The following KHNYN variants were observed in gnomAD, a reference collection of about 807,000 sequenced individuals.
The protein encoded by KHNYN is protein KHNYN.
A neutral mutation model predicts 62.7 loss-of-function variants in KHNYN; 42 were observed. That is an observed-to-expected ratio of 0.67 (90% CI 0.52 to 0.87). KHNYN has a LOEUF of 0.87. Among genes scored for constraint, KHNYN ranks in the 40% least tolerant of loss-of-function variants. The probability of loss-of-function intolerance (pLI) is 0.00; values close to 1 mark genes in which losing one functional copy is unlikely to be tolerated. For synonymous variants in KHNYN, 347 were observed against 345.6 expected, an observed-to-expected ratio of 1.00 and a Z score of -0.04; for missense variants, 829 against 874.1, an observed-to-expected ratio of 0.95 and a Z score of 0.65.
upstream of KHNYN, chr14:24,429,049 C>A (rs1341991171): frequency 6.7e-7 from 1 of 1,502,286 alleles, no homozygotes; most frequent in Non-Finnish European, 8.9e-7. Flanking sequence ...GCTTGGCTCC[C>A]AACATGGCTG....
At position 24,431,812 on chromosome 14, in the gene KHNYN, T is replaced by C. The variant is rs772343317; in HGVS notation, c.551T>C (p.Leu184Pro). 13 of 1,614,046 alleles carry C rather than the reference T, an allele frequency of 8.1e-6. No homozygotes were observed. The East Asian group carries it at 2.7e-4, about 33-fold the overall frequency. ...AGAGAGGCTCTGTTGCAGTTGCCCC[T>C]GGCTGTCCAGGAGGAGCTGCTGAGT... ...AHREALLQLPLAVQEELLSLV... is the reference protein window; with the variant it reads ...AHREALLQLPPAVQEELLSLV... Residue 184 changes from leucine to proline, a missense_variant, in exon 3 of 8, where the codon CTG (leucine) becomes CCG (proline). By Grantham distance (98) the Leu-to-Pro change is moderately conservative (BLOSUM62 -3). Transcript: ENST00000553935.
rs531890107 is a variant in KHNYN, at chr14:24,438,292, G to A, written c.*1007G>A. ...TTCCTGGTGTTGAGATGAACACGTC[G>A]ATTTTTCACCAATCGATGAAGCCAT... On this transcript the variant is annotated 3_prime_UTR_variant, in exon 8 of 8. Transcript: ENST00000553935. 1.4e-5 allele frequency: 2 copies of A among 146,576 alleles called. No homozygotes were observed. The highest frequency in any genetic ancestry group is 2.1e-4 in the South Asian group (1 of 4,778). 9.1% of individuals were successfully genotyped at this position (146,576 alleles called of 1,614,324 possible). A position where few individuals can be genotyped will look rare whatever the true frequency, so the allele number is the denominator to read the frequency against.
chr14:24,432,679 A>G lies in KHNYN; in HGVS notation c.1350-43A>G. ...GTCCTGAGGGGCTGGCATTGTAGCCAGGGTGCCAAGCCCCTCCTCTGGCCG... is the reference window on the plus strand; with the variant it reads ...GTCCTGAGGGGCTGGCATTGTAGCCGGGGTGCCAAGCCCCTCCTCTGGCCG... On this transcript the variant is annotated intron_variant, in intron 3 of 7. Transcript: ENST00000553935. The surrounding 1 kb of genome is among the most constrained non-coding windows in gnomAD (Gnocchi z 5.6). The G allele has an allele frequency of 2.5e-6, 4 of 1,613,838 alleles. No homozygotes were observed. Among genetic ancestry groups the G allele is most frequent in the Non-Finnish European group, 3.4e-6 (4 of 1,179,832 alleles).
chr14:24,429,859 G>A, upstream of KHNYN: 1 of 1,014,418 alleles, frequency 9.9e-7, no homozygotes, highest in African/African-American at 1.7e-5. Flanking sequence ...GGGCCCGTCG[G>A]GGCCTCTGGG....
In KHNYN at chr14:24,440,489, A is replaced by G; in HGVS notation, c.*3204A>G. On this transcript the variant is annotated 3_prime_UTR_variant, in exon 8 of 8. Coordinates refer to ENST00000553935, the MANE Select transcript of KHNYN (RefSeq NM_015299.3). Reference sequence around the variant, plus strand: ...GGCACCACCCCCACGGCCCAGCACAACCCCTAGAGCAGGAAAGAGGGAAGG... The same window carrying G: ...GGCACCACCCCCACGGCCCAGCACAGCCCCTAGAGCAGGAAAGAGGGAAGG... The G allele has an allele frequency of 1.2e-6, 2 of 1,602,630 alleles. No individual in the cohort carries two copies. Among genetic ancestry groups the G allele is most frequent in the Non-Finnish European group, 1.7e-6 (2 of 1,174,636 alleles).
chr14:24,440,877 T>G lies in KHNYN; in HGVS notation c.*3592T>G. The G allele has an allele frequency of 6.2e-7, 1 of 1,614,016 alleles. No individual in the cohort carries two copies. Among genetic ancestry groups the G allele is most frequent in the Non-Finnish European group, 8.5e-7 (1 of 1,179,884 alleles). On this transcript the variant is annotated 3_prime_UTR_variant, in exon 8 of 8. Transcript: ENST00000553935. ...GGTTGGAGAAAAAGTCAAAGTCCCC[T>G]CCTGGGCTGTCTTCATCATACTCCG...
upstream of KHNYN, among the ~76,000 whole-genome samples, chr14:24,424,399 C>T (rs575528299): frequency 4.1e-4 from 62 of 152,324 alleles, no homozygotes; most frequent in Admixed American, 1.4e-3. Context: ...GGTATTGTAG[C>T]TGCATGCCTT....
intron 2 of KHNYN, 68 bp from the exon 3 acceptor site, chr14:24,431,395 A>C: frequency 1.5e-6 from 2 of 1,311,906 alleles, no homozygotes; most frequent in Non-Finnish European, 2.1e-6. Context: ...AGGAGCGAGC[A>C]AGGAGCCAGG....
upstream of KHNYN, among the ~76,000 whole-genome samples, chr14:24,425,707 A>G (rs1017458272): frequency 6.6e-6 from 1 of 152,226 alleles, no homozygotes; most frequent in Non-Finnish European, 1.5e-5. Context: ...TTAATATCTC[A>G]TTATAATTAG....
At position 24,432,824 on chromosome 14, in the gene KHNYN, G is replaced by T; in HGVS notation, c.1452G>T (p.Trp484Cys). 1.2e-6 allele frequency: 2 copies of T among 1,614,232 alleles called. No homozygotes were observed. Among genetic ancestry groups the T allele is most frequent in the Admixed American group, 1.7e-5 (1 of 60,028 alleles). ...HRDITVFVPQ[W>C]RFSKDAKVRE... ...ACATAACTGTCTTTGTGCCTCAGTGGCGCTTCAGTAAGGATGCCAAAGTCA... is the reference window on the plus strand; with the variant it reads ...ACATAACTGTCTTTGTGCCTCAGTGTCGCTTCAGTAAGGATGCCAAAGTCA... The change falls in exon 4 of 8, where the codon TGG becomes TGT. Residue 484 changes from tryptophan to cysteine, a missense_variant. Trp to Cys is a radical substitution (Grantham distance 215, BLOSUM62 -2). Coordinates refer to ENST00000553935, the MANE Select transcript of KHNYN (RefSeq NM_015299.3). This position sits in a 1 kb window ranked among gnomAD's most constrained non-coding sequence, Gnocchi z 5.6.
upstream of KHNYN, chr14:24,428,093 G>A: frequency 3.6e-6 from 5 of 1,377,618 alleles, no homozygotes; most frequent in East Asian, 2.3e-5. Flanking sequence ...GGGCTCTCCC[G>A]GGAGGGCTGA....
At position 24,438,198 on chromosome 14, in the gene KHNYN, C is replaced by G. The variant is rs1389614166; in HGVS notation, c.*913C>G. ...CTCTCAGGGTTCCTATAAATGGCAG[C>G]TCTCCTGTTGTATTCAGGTGTTGTT... On this transcript the variant is annotated 3_prime_UTR_variant, in exon 8 of 8. Coordinates refer to ENST00000553935, the MANE Select transcript of KHNYN (RefSeq NM_015299.3). 1.3e-5 allele frequency: 2 copies of G among 152,668 alleles called. No individual in the cohort carries two copies. The highest frequency in any genetic ancestry group is 4.8e-5 in the African/African-American group (2 of 41,452). 9.5% of individuals were successfully genotyped at this position (152,668 alleles called of 1,614,324 possible). A position where few individuals can be genotyped will look rare whatever the true frequency, so the allele number is the denominator to read the frequency against.
intron 6 of KHNYN, 62 bp from the exon 7 acceptor site, chr14:24,436,326 C>T: frequency 6.7e-7 from 1 of 1,486,464 alleles, no homozygotes; most frequent in East Asian, 2.3e-5. Flanking sequence ...ATACTGGTCT[C>T]GGTTGTCTGG....
Position 24,436,076 on chromosome 14 carries a change from A to G in KHNYN, c.1582A>G (p.Met528Val), listed in dbSNP as rs746735583. 1.9e-6 allele frequency: 3 copies of G among 1,613,956 alleles called. No individual in the cohort carries two copies. Among genetic ancestry groups the G allele is most frequent in the East Asian group, 4.5e-5 (2 of 44,884 alleles). ...TTGCTGTGGTTTTGGAGACAGGTTC[A>G]TGGTGAAGCTGGCTGAAGAGACAGA... ...KRISSYDDRF[M>V]VKLAEETDGI... The change falls in exon 6 of 8, where the codon ATG becomes GTG. Residue 528 changes from methionine to valine, a missense_variant. Met to Val is a conservative substitution (Grantham distance 21). Around this residue, in one of 2 missense-constraint regions of KHNYN, gnomAD observed 270 missense variants for 347.1 expected, o/e 0.78. Transcript: ENST00000553935.
intron 5 of KHNYN, among the ~76,000 whole-genome samples, chr14:24,433,739 C>T (rs2043161441): frequency 1.3e-5 from 2 of 152,186 alleles, no homozygotes; most frequent in African/African-American, 2.4e-5. Flanking sequence ...TCAAGTGTGG[C>T]AGCGGGTATA....
chr14:24,437,705 A>C lies in KHNYN; in HGVS notation c.*420A>C, dbSNP rs2043229056. ...CAGAGAACAAGATGCTCCCTTGCTG[A>C]GCTCCTGGGAGCGTGGAAGGAGATG... On this transcript the variant is annotated 3_prime_UTR_variant, in exon 8 of 8. Coordinates refer to ENST00000553935, the MANE Select transcript of KHNYN (RefSeq NM_015299.3). The surrounding 1 kb of genome is among the most constrained non-coding windows in gnomAD (Gnocchi z 5.5). 1 of 166,414 alleles carries C rather than the reference A, an allele frequency of 6.0e-6. No homozygotes were observed. Among genetic ancestry groups the C allele is most frequent in the South Asian group, 1.4e-4 (1 of 6,984 alleles). The allele number at this position is 166,414 out of a possible 1,614,324, so 10.3% of individuals were successfully genotyped here.
upstream of KHNYN, chr14:24,428,462 A>AC: frequency 6.3e-7 from 1 of 1,597,280 alleles, no homozygotes; most frequent in Non-Finnish European, 8.6e-7. Context: ...GCTCAGGGGT[A>AC]CCATGGGGAC....
rs58499825 is a variant in KHNYN at position 24,438,307 on chromosome 14, G to A, written c.*1022G>A. On this transcript the variant is annotated 3_prime_UTR_variant, in exon 8 of 8. Coordinates refer to ENST00000553935, the MANE Select transcript of KHNYN (RefSeq NM_015299.3). The stretch of plus-strand genomic sequence containing the variant: ...TGAACACGTCGATTTTTCACCAATC[G>A]ATGAAGCCATGCTCTGCAATGACAA... 11,179 of 152,362 alleles carry A rather than the reference G, an allele frequency of 0.073. 997 individuals carry two copies. The highest frequency in any genetic ancestry group is 0.22 in the African/African-American group (8,978 of 41,324). 9.4% of individuals were successfully genotyped at this position (152,362 alleles called of 1,614,324 possible).
At chr14:24,430,328 A>C (rs534541578) in intron 1 of KHNYN, 1 of 712,604 alleles carries the variant, frequency 1.4e-6, no homozygotes, top group African/African-American at 1.9e-5. Flanking sequence ...GAAATGGCAG[A>C]CCAGGGCCCC....
Sources: allele counts gnomAD v4.1 joint callset (sites outside exome capture counted in the v4.1 genomes callset), GRCh38; gene constraint gnomAD v4.1.1; regional missense constraint gnomAD v4.1.1; non-coding constraint Gnocchi (gnomAD v3.1); transcripts MANE v1.5; gene names NCBI Gene and HGNC (gene_info 2026-07-23, HGNC 2026-07-21).